Variants in PKNOX1 observed in about 807,000 individuals in gnomAD.
The protein encoded by PKNOX1 is homeobox protein PKNOX1.
PKNOX1 carries 15 observed loss-of-function variants against 51.9 expected under a neutral mutation model. The observed-to-expected ratio is 0.29, with a 90% CI of 0.19 to 0.45. PKNOX1 has a LOEUF of 0.45. PKNOX1 is among the 20% of genes least tolerant of loss of function. PKNOX1 has a pLI of 1.00. For synonymous variants in PKNOX1, 219 were observed against 211.1 expected, an observed-to-expected ratio of 1.04 and a Z score of -0.32; for missense variants, 462 against 547.5, an observed-to-expected ratio of 0.84 and a Z score of 1.56.
chr21:42,999,749 G>A lies in PKNOX1; in HGVS notation c.-56-4577G>A, dbSNP rs375886071. On this transcript the variant is annotated intron_variant, in intron 1 of 10. Coordinates refer to ENST00000291547, the MANE Select transcript of PKNOX1 (RefSeq NM_004571.5). ...CTGCCTCAGACTCCCAAAGTGCTGG[G>A]ATTACAGGCATGAGCCATTGCTCCC... Among the ~76,000 whole-genome samples the A allele has an allele frequency of 5.3e-5, 8 of 152,266 alleles. No homozygotes were observed. The South Asian group carries it at 6.2e-4, about 12-fold the overall frequency.
chr21:43,009,662 G>A (rs1568898026), intron 3 of PKNOX1, among the ~76,000 whole-genome samples: 1 of 150,092 alleles, frequency 6.7e-6, no homozygotes. Context: ...TAAAACACTG[G>A]TAAGCCTTGG....
chr21:43,025,923 G>A (rs1332622813), intron 9 of PKNOX1, among the ~76,000 whole-genome samples: 3 of 152,198 alleles, frequency 2.0e-5, no homozygotes, highest in East Asian at 3.9e-4. Flanking sequence ...TTTAGATGTG[G>A]GTAGTCACAA....
At position 42,997,954 on chromosome 21, in the gene PKNOX1, G is replaced by A. The variant is rs563223109; in HGVS notation, c.-56-6372G>A. On this transcript the variant is annotated intron_variant, in intron 1 of 10. Transcript: ENST00000291547. ...GCCTGAGGGTGAGGGTTGGGCAGAG[G>A]CAATTTTAAGCATGTGAGTCACATG... Among the ~76,000 whole-genome samples the A allele has an allele frequency of 2.0e-5, 3 of 152,256 alleles. No individual in the cohort carries two copies. In the East Asian group the frequency reaches 5.8e-4, roughly 29 times the overall value.
In PKNOX1 at chr21:43,029,938, T is replaced by C; in HGVS notation, c.1148T>C (p.Leu383Pro). 6.2e-7 allele frequency: 1 copy of C among 1,614,198 alleles called. No individual in the cohort carries two copies. Residue 383 changes from leucine to proline, a missense_variant, in exon 11 of 11, where the codon CTT becomes CCT. Leu to Pro is a moderately conservative substitution (Grantham distance 98, BLOSUM62 -3). Coordinates refer to ENST00000291547, the MANE Select transcript of PKNOX1 (RefSeq NM_004571.5). ...TTPVNMNVDS[L>P]QSLSSDGATL... ...CCCGTGAACATGAACGTGGACAGCC[T>C]TCAGTCTCTGTCCTCGGACGGGGCC...
intron 1 of PKNOX1, among the ~76,000 whole-genome samples, chr21:42,985,267 G>A (rs370393318): frequency 8.9e-4 from 135 of 152,096 alleles, no homozygotes; most frequent in African/African-American, 3.0e-3. Flanking sequence ...GATTACAGGC[G>A]TGAGCCACTG....
In PKNOX1 at chr21:43,016,987, T is replaced by A. The variant is rs1484526602; in HGVS notation, c.602T>A (p.Val201Glu). The A allele has an allele frequency of 1.2e-6, 2 of 1,612,516 alleles. No homozygotes were observed. The change falls in exon 6 of 11, where the codon GTA (valine) becomes GAA (glutamate). Residue 201 changes from valine (V) to glutamate (E), a missense_variant. Val to Glu is a moderately radical substitution (Grantham distance 121). Transcript: ENST00000291547. ...GCGTCCGCGCTGCAGCAGGGAAACGTAGCCATGGCGACGGTGGCAGGTACG... is the reference window on the plus strand; with the variant it reads ...GCGTCCGCGCTGCAGCAGGGAAACGAAGCCATGGCGACGGTGGCAGGTACG... ...VPASALQQGN[V>E]AMATVAGGTV...
In PKNOX1 at chr21:43,024,291, G is replaced by A. The variant is rs1218631046; in HGVS notation, c.850-580G>A. ...TACTCCACCTGTTTCACCAGCTGTGGGATGGGGGCAGTTTGTAAACACTTC... is the reference window on the plus strand; with the variant it reads ...TACTCCACCTGTTTCACCAGCTGTGAGATGGGGGCAGTTTGTAAACACTTC... On this transcript the variant is annotated intron_variant, in intron 8 of 10. Transcript: ENST00000291547. 3.9e-5 allele frequency: 6 copies of A among 152,290 alleles called. No homozygotes were observed. In the East Asian group the frequency reaches 9.7e-4, roughly 24 times the overall value. The allele number at this position is 152,290 out of a possible 1,614,324, so 9.4% of individuals were successfully genotyped here.
At chr21:43,007,089 G>A (rs1979019812) in intron 2 of PKNOX1, among the ~76,000 whole-genome samples, 2 of 152,186 alleles carry the variant, frequency 1.3e-5, no homozygotes, top group Admixed American at 1.3e-4. Flanking sequence ...CAAATATGTA[G>A]CGTATGGGTT....
intron 5 of PKNOX1, among the ~76,000 whole-genome samples, chr21:43,014,998 G>A (rs917621492): frequency 3.3e-5 from 5 of 152,226 alleles, no homozygotes; most frequent in African/African-American, 1.2e-4. Context: ...CAGTCCACAG[G>A]TATGGCATGT....
intron 1 of PKNOX1, among the ~76,000 whole-genome samples, chr21:42,982,489 G>A (rs1444631508): frequency 1.3e-5 from 2 of 152,070 alleles, no homozygotes; most frequent in Non-Finnish European, 2.9e-5. Context: ...CAGCACTTTG[G>A]GAGGCCAAGG....
intron 8 of PKNOX1, among the ~76,000 whole-genome samples, chr21:43,023,390 A>G (rs1490725832): frequency 6.6e-6 from 1 of 152,006 alleles, no homozygotes; most frequent in East Asian, 1.9e-4. Context: ...CGCCGCACTC[A>G]GTGTTCCTTT....
At chr21:42,982,524 A>G (rs113752940) in intron 1 of PKNOX1, among the ~76,000 whole-genome samples, 5,776 of 152,006 alleles carry the variant, frequency 0.038, 139 homozygotes, top group Middle Eastern at 0.061. Context: ...GAGGTCGGGA[A>G]TTCGAGTCCA....
At chr21:42,991,373 A>G (rs1359158751) in intron 1 of PKNOX1, among the ~76,000 whole-genome samples, 2 of 151,980 alleles carry the variant, frequency 1.3e-5, no homozygotes, top group African/African-American at 4.8e-5. Flanking sequence ...AAATAACCAA[A>G]CCACAAATTG....
At chr21:42,976,192 A>T (rs115214638) in intron 1 of PKNOX1, among the ~76,000 whole-genome samples, 1 of 152,256 alleles carries the variant, frequency 6.6e-6, no homozygotes, top group Non-Finnish European at 1.5e-5. Context: ...TTCAGTGCAT[A>T]TGAAAGTTGT....
chr21:42,982,697 C>T (rs533512783), intron 1 of PKNOX1, among the ~76,000 whole-genome samples: 6 of 148,094 alleles, frequency 4.1e-5, no homozygotes, highest in African/African-American at 1.5e-4. Context: ...CGCCATTGCA[C>T]TCCAGCCTGG....
In PKNOX1 at chr21:42,989,566, C is replaced by G. The variant is rs372838982; in HGVS notation, c.-56-14760C>G. Among the ~76,000 whole-genome samples, 9 of 152,112 alleles carry G rather than the reference C, an allele frequency of 5.9e-5. No individual in the cohort carries two copies. The South Asian group carries it at 6.2e-4, about 11-fold the overall frequency. ...CCCGAGTAGCTGGGATTACAGGCGC[C>G]TGCTACCACGCCTGGCTAATTTTTG... On this transcript the variant is annotated intron_variant, in intron 1 of 10. Transcript: ENST00000291547.
intron 3 of PKNOX1, 36 bp from the exon 4 acceptor site, chr21:43,010,017 A>G (rs764869493): frequency 7.2e-7 from 1 of 1,394,728 alleles, no homozygotes; most frequent in Admixed American, 2.3e-5. Flanking sequence ...GGAGATGTAG[A>G]ACGTAAATGG....
intron 1 of PKNOX1, among the ~76,000 whole-genome samples, chr21:42,989,542 C>A (rs2059074739): frequency 6.6e-6 from 1 of 152,002 alleles, no homozygotes; most frequent in Non-Finnish European, 1.5e-5. Context: ...TCTCAGCCTC[C>A]CGAGTAGCTG....
In PKNOX1 at chr21:43,021,465, C is replaced by T. The variant is rs748592597; in HGVS notation, c.849+34C>T. The T allele has an allele frequency of 3.3e-5, 51 of 1,561,912 alleles. No homozygotes were observed. The East Asian group carries it at 1.1e-3, about 34-fold the overall frequency. ...GGCTGGGCCAGCCCTTGCCTTGCAG[C>T]CCTCTGCGACGCTTGCTCTCTGGCT... is the stretch of plus-strand genomic sequence containing the variant. On this transcript the variant is annotated intron_variant, in intron 8 of 10. Transcript: ENST00000291547. This position sits in a 1 kb window ranked among gnomAD's most constrained non-coding sequence, Gnocchi z 4.6.
Sources: gnomAD v4.1 joint callset for allele counts (sites outside exome capture counted in the v4.1 genomes callset) on GRCh38, gnomAD v4.1.1 for gene constraint, Gnocchi (gnomAD v3.1) non-coding constraint, MANE v1.5 for transcripts, NCBI Gene and HGNC (gene_info 2026-07-23, HGNC 2026-07-21) for gene names.